The following ANKRD30A variants were observed in gnomAD, a reference collection of about 807,000 sequenced individuals.
The protein encoded by ANKRD30A is ankyrin repeat domain-containing protein 30A.
ANKRD30A carries 170 observed loss-of-function variants against 166.3 expected under a neutral mutation model. The observed-to-expected ratio is 1.02, with a 90% CI of 0.90 to 1.16. The LOEUF (loss-of-function observed/expected upper bound fraction) is 1.16, where lower values mean the gene tolerates loss of function less well. ANKRD30A is among the 50% of genes most tolerant of loss of function. ANKRD30A has a pLI of 0.00. For missense variants in ANKRD30A, 1,630 were observed against 1,518.0 expected, an observed-to-expected ratio of 1.07 and a Z score of -1.23; for synonymous variants, 564 against 508.9, an observed-to-expected ratio of 1.11 and a Z score of -1.46.
At chr10:37,263,775 C>T in the ANKRD30A span, among the ~76,000 whole-genome samples, 10 of 152,058 alleles carry the variant, frequency 6.6e-5, no homozygotes, top group African/African-American at 2.4e-4. Context: ...TGGTACCAGT[C>T]CATGGCCTGT....
intron 27 of ANKRD30A, among the ~76,000 whole-genome samples, chr10:37,193,605 G>C (rs572928777): frequency 5.3e-4 from 81 of 152,072 alleles, no homozygotes; most frequent in Middle Eastern, 6.8e-3. Flanking sequence ...GAATTCTGAT[G>C]TTTACTTAGA....
intron 27 of ANKRD30A, among the ~76,000 whole-genome samples, chr10:37,196,930 G>C (rs1841180560): frequency 6.6e-6 from 1 of 152,146 alleles, no homozygotes; most frequent in African/African-American, 2.4e-5. Context: ...TTAAAGAACA[G>C]GATGAATGGA....
At chr10:37,141,586 A>AC (rs1837118003) in intron 6 of ANKRD30A, 132 bp from the exon 7 acceptor site, 1 of 1,307,520 alleles carries the variant, frequency 7.6e-7, no homozygotes, top group East Asian at 2.5e-5. Flanking sequence ...AAAAAAAAAA[A>AC]AAAAAAAGAG....
chr10:37,143,843 T>A (rs1413403595), intron 7 of ANKRD30A, among the ~76,000 whole-genome samples: 1 of 151,998 alleles, frequency 6.6e-6, no homozygotes, highest in Non-Finnish European at 1.5e-5. Flanking sequence ...GCCCTTCATA[T>A]AGAAGAAAGA....
chr10:37,264,638 GTAAGTATGCCAGA>G, the ANKRD30A span: 2 of 289,904 alleles, frequency 6.9e-6, no homozygotes, highest in African/African-American at 4.4e-5. Flanking sequence ...GAGAGGACAG[GTAAGTATGCCAGA>G]TTGGAAGTTT....
the ANKRD30A span, among the ~76,000 whole-genome samples, chr10:37,247,458 G>A: frequency 9.2e-5 from 14 of 152,178 alleles, no homozygotes; most frequent in African/African-American, 3.4e-4. Flanking sequence ...GTGTTCTGGG[G>A]CATTGTGAAT....
In ANKRD30A at chr10:37,129,972, G is replaced by A. The variant is rs1288685637; in HGVS notation, c.301G>A (p.Val101Ile). The A allele has an allele frequency of 6.3e-6, 10 of 1,577,354 alleles. No homozygotes were observed. Among genetic ancestry groups the A allele is most frequent in the Admixed American group, 1.7e-5 (1 of 57,510 alleles). The stretch of plus-strand genomic sequence containing the variant: ...GGTAGACAGAAAGTGCCAGCTTGAC[G>A]TCCTTGATGGCGAACACAGGACACC... ...FLVDRKCQLDVLDGEHRTPLM... is the reference protein window; with the variant it reads ...FLVDRKCQLDILDGEHRTPLM... The change falls in exon 2 of 36, where the codon GTC (valine) becomes ATC (isoleucine). Residue 101 changes from valine to isoleucine, a missense_variant. Physicochemically the swap from Val to Ile is conservative, Grantham distance 29. Transcript: ENST00000361713.
At position 37,162,678 on chromosome 10, in the gene ANKRD30A, G is replaced by T; in HGVS notation, c.1929+1G>T. 1.2e-6 allele frequency: 2 copies of T among 1,612,458 alleles called. No individual in the cohort carries two copies. Among genetic ancestry groups the T allele is most frequent in the Non-Finnish European group, 1.7e-6 (2 of 1,179,762 alleles). On this transcript the variant is annotated splice_donor_variant, in intron 16 of 35. Transcript: ENST00000361713. LOFTEE classifies it high-confidence loss of function. ...TCCGGGGAAGCCATCTGCCTTCGAG[G>T]TATTTAGTTTTATGATTTCATTTTG...
chr10:37,134,449 T>C (rs533585022), intron 5 of ANKRD30A, among the ~76,000 whole-genome samples: 1 of 152,354 alleles, frequency 6.6e-6, no homozygotes, highest in Non-Finnish European at 1.5e-5. Flanking sequence ...TTTATTTTGT[T>C]GTTTCCATTG....
At chr10:37,195,036 C>A (rs1477728573) in intron 27 of ANKRD30A, among the ~76,000 whole-genome samples, 1 of 152,068 alleles carries the variant, frequency 6.6e-6, no homozygotes, top group Non-Finnish European at 1.5e-5. Flanking sequence ...TTTTAGTTTA[C>A]ACTTCTTAGA....
intron 9 of ANKRD30A, among the ~76,000 whole-genome samples, chr10:37,149,067 A>C (rs961195188): frequency 1.3e-5 from 2 of 152,040 alleles, no homozygotes; most frequent in Admixed American, 1.3e-4. Context: ...ATCATCTTGC[A>C]TGAGTGGATC....
chr10:37,204,425 C>T (rs1267126852), intron 31 of ANKRD30A, among the ~76,000 whole-genome samples: 1 of 152,118 alleles, frequency 6.6e-6, no homozygotes, highest in Non-Finnish European at 1.5e-5. Flanking sequence ...ATGTAGAAAG[C>T]TGAAACTGGA....
chr10:37,127,196 C>T (rs72787513), intron 1 of ANKRD30A, among the ~76,000 whole-genome samples: 3 of 151,652 alleles, frequency 2.0e-5, no homozygotes, highest in African/African-American at 4.8e-5. Context: ...AATGGTCACA[C>T]TTTATACTAG....
At chr10:37,135,984 G>T (rs1320069665) in intron 5 of ANKRD30A, among the ~76,000 whole-genome samples, 1 of 152,008 alleles carries the variant, frequency 6.6e-6, no homozygotes, top group African/African-American at 2.4e-5. Context: ...TAGAGACAGG[G>T]TCTCCCTATG....
chr10:37,216,140 A>C, intron 31 of ANKRD30A, 41 bp from the exon 32 acceptor site: 1 of 1,417,038 alleles, frequency 7.1e-7, no homozygotes. Flanking sequence ...TATATCCCAA[A>C]AGTACTAATA....
chr10:37,258,491 T>C, the ANKRD30A span, among the ~76,000 whole-genome samples: 2 of 151,938 alleles, frequency 1.3e-5, no homozygotes, highest in South Asian at 4.1e-4. Flanking sequence ...ATGACAAAGG[T>C]GAAACTGCAG....
chr10:37,147,321 T>G, intron 8 of ANKRD30A, 49 bp from the exon 9 acceptor site: 1 of 1,377,662 alleles, frequency 7.3e-7, no homozygotes, highest in Middle Eastern at 1.8e-4. Context: ...GGAATTTTCA[T>G]GCTTATGATT....
At chr10:37,138,341 G>A (rs1248260028) in intron 6 of ANKRD30A, among the ~76,000 whole-genome samples, 8 of 152,176 alleles carry the variant, frequency 5.3e-5, no homozygotes, top group East Asian at 3.9e-4. Flanking sequence ...CCAAAGGAAC[G>A]CAGCTCCTCA....
chr10:37,137,645 A>G (rs1056562685), intron 6 of ANKRD30A, among the ~76,000 whole-genome samples: 1 of 152,152 alleles, frequency 6.6e-6, no homozygotes, highest in African/African-American at 2.4e-5. Flanking sequence ...GCAGTCTGAG[A>G]TCAAACTGTA....
Sources: gnomAD v4.1 joint callset for allele counts (sites outside exome capture counted in the v4.1 genomes callset) on GRCh38, gnomAD v4.1.1 for gene constraint, MANE v1.5 for transcripts, NCBI Gene and HGNC (gene_info 2026-07-23, HGNC 2026-07-21) for gene names.